The following CUX1 variants were observed in gnomAD, a reference collection of about 807,000 sequenced individuals.
CUX1 encodes the protein protein CASP.
In CUX1, 31 loss-of-function variants were observed where a neutral mutation model predicts 158.8. The observed-to-expected ratio is 0.20, with a 90% CI of 0.15 to 0.26. The LOEUF (loss-of-function observed/expected upper bound fraction) is 0.26, where lower values mean the gene tolerates loss of function less well. Among genes scored for constraint, CUX1 ranks in the 10% least tolerant of loss-of-function variants. The probability of loss-of-function intolerance (pLI) is 1.00; values close to 1 mark genes in which losing one functional copy is unlikely to be tolerated. For synonymous variants in CUX1, 879 were observed against 862.1 expected (o/e 1.02, Z -0.34); for missense variants, 1,589 against 2,014.6 (o/e 0.79, Z 4.04).
At chr7:102,047,706 A>G (rs1272881106) in intron 3 of CUX1, among the ~76,000 whole-genome samples, 8 of 152,184 alleles carry the variant, frequency 5.3e-5, no homozygotes, top group Non-Finnish European at 1.2e-4. Context: ...GCTCAGTCAT[A>G]CAGTATTTAT....
intron 10 of CUX1, among the ~76,000 whole-genome samples, chr7:102,176,288 G>A (rs563795908): frequency 6.6e-6 from 1 of 152,280 alleles, no homozygotes; most frequent in South Asian, 2.1e-4. Context: ...CACGGTGCAT[G>A]GGATGGCCCA....
chr7:102,210,814 G>A (rs149272641), intron 20 of CUX1, among the ~76,000 whole-genome samples: 70 of 152,270 alleles, frequency 4.6e-4, no homozygotes, highest in African/African-American at 1.7e-3. Context: ...CCTCTTTGAC[G>A]TGAAGCCCAC....
At chr7:102,226,179 C>T (rs1419171282) in intron 20 of CUX1, among the ~76,000 whole-genome samples, 2 of 152,220 alleles carry the variant, frequency 1.3e-5, no homozygotes, top group South Asian at 2.1e-4. Flanking sequence ...TGGGCACCCA[C>T]GGCGACCCCA....
intron 2 of CUX1, among the ~76,000 whole-genome samples, chr7:101,927,577 G>T (rs1375396936): frequency 3.9e-5 from 6 of 152,068 alleles, no homozygotes; most frequent in Non-Finnish European, 2.9e-5. Context: ...TTGAGCCCAG[G>T]AGTTCAAGAC....
chr7:102,253,164 G>A lies in CUX1; in HGVS notation c.*4122G>A, dbSNP rs891594261. On this transcript the variant is annotated 3_prime_UTR_variant, in exon 24 of 24. Coordinates refer to ENST00000292535, the MANE Select transcript of CUX1 (RefSeq NM_181552.4). ...TTCCCATTGAAAAACCATCCTGTCT[G>A]ATGTGGACGTTCAGGTCTGCTGGTT... is the stretch of plus-strand genomic sequence containing the variant. The A allele has an allele frequency of 6.1e-6, 6 of 985,390 alleles. No individual in the cohort carries two copies. Among genetic ancestry groups the A allele is most frequent in the Non-Finnish European group, 7.2e-6 (6 of 830,000 alleles). 61.0% of individuals were successfully genotyped at this position (985,390 alleles called of 1,614,324 possible).
rs533498191 is a variant in CUX1 at position 102,254,130 on chromosome 7, G to C, written c.*5088G>C. On this transcript the variant is annotated 3_prime_UTR_variant, in exon 24 of 24. Transcript: ENST00000292535. Reference sequence around the variant, plus strand: ...ACAGCTGTGCTCTGCAAGGCACACGGATGTTTCCCTTCCACCTGTTCCCAA... The same window carrying C: ...ACAGCTGTGCTCTGCAAGGCACACGCATGTTTCCCTTCCACCTGTTCCCAA... 1.0e-6 allele frequency: 1 copy of C among 985,436 alleles called. No homozygotes were observed. Among genetic ancestry groups the C allele is most frequent in the Admixed American group, 6.1e-5 (1 of 16,290 alleles). The allele number at this position is 985,436 out of a possible 1,614,324, so 61.0% of individuals were successfully genotyped here.
rs1804271904 is a variant in CUX1, at chr7:101,916,868, G to A, written c.141+643G>A. On this transcript the variant is annotated intron_variant, in intron 2 of 23. Coordinates refer to ENST00000292535, the MANE Select transcript of CUX1 (RefSeq NM_181552.4). This position sits in a 1 kb window ranked among gnomAD's most constrained non-coding sequence, Gnocchi z 4.4. ...GTGGCGTTTTTCTGCTCGTTTCCTG[G>A]CCCCTTCTTCCTTCCCTTCAACCCT... is the stretch of plus-strand genomic sequence containing the variant. Among the ~76,000 whole-genome samples the A allele has an allele frequency of 6.6e-6, 1 of 151,544 alleles. No homozygotes were observed. Among genetic ancestry groups the A allele is most frequent in the South Asian group, 2.1e-4 (1 of 4,804 alleles).
chr7:102,248,771 C>T lies in CUX1; in HGVS notation c.4247C>T (p.Ala1416Val). The change falls in exon 24 of 24, where the codon GCC (alanine) becomes GTC (valine). Residue 1416 changes from alanine (A) to valine (V), a missense_variant. Transcript: ENST00000292535. This position sits in a 1 kb window ranked among gnomAD's most constrained non-coding sequence, Gnocchi z 5.8. ...GCGACCGCCACCGCCGCGCCCGCGGCCCCCGAGGACGCCGCTACCTCAGCC... is the reference window on the plus strand; with the variant it reads ...GCGACCGCCACCGCCGCGCCCGCGGTCCCCGAGGACGCCGCTACCTCAGCC... ...ASATATAAPAAPEDAATSAAA... is the reference protein window; with the variant it reads ...ASATATAAPAVPEDAATSAAA... 1 of 1,040,576 alleles carries T rather than the reference C, an allele frequency of 9.6e-7. No individual in the cohort carries two copies. The highest frequency in any genetic ancestry group is 1.2e-6 in the Non-Finnish European group (1 of 865,062). 64.5% of individuals were successfully genotyped at this position (1,040,576 alleles called of 1,614,324 possible).
intron 2 of CUX1, among the ~76,000 whole-genome samples, chr7:101,964,913 C>T (rs1810966076): frequency 6.6e-6 from 1 of 152,178 alleles, no homozygotes; most frequent in Admixed American, 6.5e-5. Context: ...ATCCCAGGAG[C>T]CTGATTCCTT....
At chr7:102,269,230 C>T (rs1791033020) in intron 14 of CUX1, among the ~76,000 whole-genome samples, 2 of 152,042 alleles carry the variant, frequency 1.3e-5, no homozygotes, top group African/African-American at 4.8e-5. Context: ...CCTCCTCAGC[C>T]TCCCAAAGTG....
intron 23 of CUX1, among the ~76,000 whole-genome samples, chr7:102,243,026 C>T (rs531982043): frequency 1.1e-4 from 16 of 152,148 alleles, no homozygotes; most frequent in Non-Finnish European, 1.9e-4. Flanking sequence ...GTAATCCTAG[C>T]ACTTTGGGAG....
At chr7:102,141,220 C>A (rs1453765242) in intron 8 of CUX1, among the ~76,000 whole-genome samples, 1 of 152,094 alleles carries the variant, frequency 6.6e-6, no homozygotes, top group East Asian at 1.9e-4. Flanking sequence ...TCGGTGCCAG[C>A]GAGAGGAAGA....
chr7:102,236,727 C>G (rs1554533005), intron 22 of CUX1, among the ~76,000 whole-genome samples: 2 of 152,200 alleles, frequency 1.3e-5, no homozygotes, highest in Non-Finnish European at 2.9e-5. Flanking sequence ...GCCCTCAGCC[C>G]TTAGGAGGGA....
intron 2 of CUX1, among the ~76,000 whole-genome samples, chr7:101,968,887 C>G (rs922734670): frequency 1.3e-5 from 2 of 152,112 alleles, no homozygotes; most frequent in Non-Finnish European, 2.9e-5. Flanking sequence ...GGACACGGGG[C>G]TCCCTGAACT....
At chr7:102,197,887 CA>C (rs1164865803) in intron 15 of CUX1, among the ~76,000 whole-genome samples, 1 of 152,076 alleles carries the variant, frequency 6.6e-6, no homozygotes, top group Non-Finnish European at 1.5e-5. Flanking sequence ...GTAAAATACA[CA>C]AAAGTTTTAT....
chr7:102,196,454 T>C (rs1337087148), intron 14 of CUX1, among the ~76,000 whole-genome samples, 180 bp from the exon 15 acceptor site: 1 of 152,250 alleles, frequency 6.6e-6, no homozygotes. Flanking sequence ...GAAGCCTCGT[T>C]TGGCTGACTT....
At chr7:102,155,136 C>A (rs1253224632) in intron 8 of CUX1, among the ~76,000 whole-genome samples, 1 of 152,152 alleles carries the variant, frequency 6.6e-6, no homozygotes, top group Non-Finnish European at 1.5e-5. Context: ...GTCTGAAACA[C>A]TAGTGGAGCT....
intron 8 of CUX1, among the ~76,000 whole-genome samples, chr7:102,141,430 C>T (rs1554500257): frequency 6.6e-6 from 1 of 151,974 alleles, no homozygotes; most frequent in African/African-American, 2.4e-5. Flanking sequence ...GGGGAAAAAC[C>T]AGGTGGAAGA....
chr7:102,197,103 G>C lies in CUX1; in HGVS notation c.1692G>C (p.Leu564=), dbSNP rs1192645234. 6.2e-7 allele frequency: 1 copy of C among 1,614,132 alleles called. No homozygotes were observed. The highest frequency in any genetic ancestry group is 1.3e-5 in the African/African-American group (1 of 74,954). ...AEIARQVKEQ[L]IKHNIGQRIF... is the part of the protein sequence containing the mutation. ...TCGCCCGGCAGGTCAAAGAGCAGCT[G>C]ATTAAGCACAATATCGGACAACGTA... Residue 564 remains leucine, a synonymous_variant, in exon 15 of 24, where the codon CTG becomes CTC. Coordinates refer to ENST00000292535, the MANE Select transcript of CUX1 (RefSeq NM_181552.4).
Sources: gnomAD v4.1 joint callset for allele counts (sites outside exome capture counted in the v4.1 genomes callset) on GRCh38, gnomAD v4.1.1 for gene constraint, Gnocchi (gnomAD v3.1) non-coding constraint, MANE v1.5 for transcripts, NCBI Gene and HGNC (gene_info 2026-07-23, HGNC 2026-07-21) for gene names.